The following CADM2 variants were observed in gnomAD, a reference collection of about 807,000 sequenced individuals.
CADM2 encodes cell adhesion molecule 2.
In CADM2, 12 loss-of-function variants were observed where a neutral mutation model predicts 49.8. The observed-to-expected ratio is 0.24, with a 90% CI of 0.15 to 0.39. CADM2 has a LOEUF of 0.39. Ranked by LOEUF, CADM2 falls within the 10% of genes least tolerant of loss-of-function variation. The probability of loss-of-function intolerance (pLI) is 1.00; values close to 1 mark genes in which losing one functional copy is unlikely to be tolerated. For synonymous variants in CADM2, 214 were observed against 175.4 expected (o/e 1.22, Z -1.74); for missense variants, 378 against 492.3 (o/e 0.77, Z 2.20).
chr3:85,513,349 A>C (rs183212160), intron 1 of CADM2, among the ~76,000 whole-genome samples: 1 of 152,020 alleles, frequency 6.6e-6, no homozygotes, highest in Non-Finnish European at 1.5e-5. Context: ...CCTTCTCAGA[A>C]AAAAAGGACA....
intron 1 of CADM2, among the ~76,000 whole-genome samples, chr3:85,239,613 T>C (rs953508978): frequency 1.3e-5 from 2 of 151,566 alleles, no homozygotes; most frequent in African/African-American, 4.8e-5. Flanking sequence ...AATGCATGGA[T>C]CATTCTATTC....
At chr3:86,065,135 C>T (rs1030134179) in intron 8 of CADM2, among the ~76,000 whole-genome samples, 4 of 152,144 alleles carry the variant, frequency 2.6e-5, no homozygotes, top group Non-Finnish European at 5.9e-5. Flanking sequence ...CATCTAGACA[C>T]CAATGGGTGA....
intron 1 of CADM2, among the ~76,000 whole-genome samples, chr3:85,147,240 A>C (rs968992136): frequency 7.3e-6 from 1 of 136,706 alleles, no homozygotes; most frequent in East Asian, 2.3e-4. Flanking sequence ...GTGCCACAGC[A>C]CTCCAAGCCT....
At chr3:85,227,498 C>G (rs1259617127) in intron 1 of CADM2, among the ~76,000 whole-genome samples, 2 of 145,600 alleles carry the variant, frequency 1.4e-5, no homozygotes, top group Non-Finnish European at 3.0e-5. Flanking sequence ...GTAAATCTTC[C>G]TCCATCCCTT....
At chr3:85,723,422 G>A (rs1172536269) in intron 1 of CADM2, among the ~76,000 whole-genome samples, 2 of 152,106 alleles carry the variant, frequency 1.3e-5, no homozygotes, top group Non-Finnish European at 2.9e-5. Context: ...GGACTATGCT[G>A]ACAATGGAAA....
chr3:85,933,135 C>G (rs2108532182), intron 6 of CADM2, among the ~76,000 whole-genome samples: 1 of 152,282 alleles, frequency 6.6e-6, no homozygotes, highest in South Asian at 2.1e-4. Context: ...TGGTGACCTT[C>G]CATTTCCCTT....
intron 1 of CADM2, among the ~76,000 whole-genome samples, chr3:85,117,157 G>A (rs1027136837): frequency 6.6e-6 from 1 of 152,028 alleles, no homozygotes; most frequent in African/African-American, 2.4e-5. Flanking sequence ...GGAGGTGGAG[G>A]TTGCAGTGAG....
intron 1 of CADM2, among the ~76,000 whole-genome samples, chr3:85,196,250 T>G (rs1344186390): frequency 6.6e-6 from 1 of 152,038 alleles, no homozygotes; most frequent in Non-Finnish European, 1.5e-5. Flanking sequence ...AGTGTCAAAT[T>G]TATGAGGTGG....
intron 8 of CADM2, among the ~76,000 whole-genome samples, chr3:86,023,974 T>C (rs575976760): frequency 3.3e-5 from 5 of 152,234 alleles, no homozygotes; most frequent in Non-Finnish European, 7.3e-5. Flanking sequence ...TTTCACATTC[T>C]GTCCATGCTC....
At chr3:85,839,917 G>A (rs1358833438) in intron 3 of CADM2, among the ~76,000 whole-genome samples, 2 of 151,814 alleles carry the variant, frequency 1.3e-5, no homozygotes, top group African/African-American at 4.8e-5. Context: ...GGAACAATAA[G>A]TGAAAGCATC....
At chr3:85,005,043 A>G (rs996430148) in intron 1 of CADM2, among the ~76,000 whole-genome samples, 2 of 152,178 alleles carry the variant, frequency 1.3e-5, no homozygotes, top group African/African-American at 4.8e-5. Flanking sequence ...CTTTAATATC[A>G]GTGGTAAATT....
At chr3:85,596,449 A>C (rs1347248494) in intron 1 of CADM2, among the ~76,000 whole-genome samples, 2 of 152,256 alleles carry the variant, frequency 1.3e-5, no homozygotes, top group African/African-American at 2.4e-5. Flanking sequence ...CTGTTTAAAA[A>C]GTTAACAGCT....
intron 1 of CADM2, among the ~76,000 whole-genome samples, chr3:84,960,590 C>T (rs570384164): frequency 6.6e-6 from 1 of 152,050 alleles, no homozygotes; most frequent in Admixed American, 6.5e-5. Context: ...CCGCTTCTTT[C>T]CGTAATTAAT....
At chr3:85,547,069 A>G (rs6765881) in intron 1 of CADM2, among the ~76,000 whole-genome samples, 77,697 of 151,700 alleles carry the variant, frequency 0.51, 22,979 homozygotes, top group East Asian at 0.85. Context: ...AAAATATATT[A>G]TGTTGAATTT....
intron 1 of CADM2, among the ~76,000 whole-genome samples, chr3:85,699,514 G>C (rs146781353): frequency 1.3e-5 from 2 of 152,338 alleles, no homozygotes; most frequent in Non-Finnish European, 2.9e-5. Flanking sequence ...CTTGCATTCT[G>C]TTTACCCACA....
intron 1 of CADM2, among the ~76,000 whole-genome samples, chr3:85,622,897 A>G (rs919183232): frequency 6.6e-6 from 1 of 152,052 alleles, no homozygotes; most frequent in South Asian, 2.1e-4. Flanking sequence ...TCTGTACTCA[A>G]ATGGGATGGG....
chr3:85,735,024 C>A (rs2068079343), intron 2 of CADM2, among the ~76,000 whole-genome samples: 1 of 149,230 alleles, frequency 6.7e-6, no homozygotes, highest in African/African-American at 2.5e-5. Flanking sequence ...TGAATATGTT[C>A]TTTATTTTTT....
chr3:85,247,337 A>G (rs1334983882), intron 1 of CADM2, among the ~76,000 whole-genome samples: 4 of 152,264 alleles, frequency 2.6e-5, no homozygotes, highest in African/African-American at 9.6e-5. Flanking sequence ...TGCTCAAAGT[A>G]TGAGAAAAGA....
chr3:85,535,364 C>T (rs9873834), intron 1 of CADM2, among the ~76,000 whole-genome samples: 44 of 152,190 alleles, frequency 2.9e-4, no homozygotes, highest in African/African-American at 9.4e-4. Flanking sequence ...CTGTTTCCAA[C>T]GCCTCCATGG....
Sources: allele counts gnomAD v4.1 joint callset (sites outside exome capture counted in the v4.1 genomes callset), GRCh38; gene constraint gnomAD v4.1.1; transcripts MANE v1.5; gene names NCBI Gene and HGNC (gene_info 2026-07-23, HGNC 2026-07-21).